Variants in CDH18 observed in about 807,000 individuals in gnomAD.
CDH18 encodes the protein cadherin 18, also known as cadherin-18.
Under a neutral mutation model 67.9 loss-of-function variants are expected in CDH18, and 31 were observed. The ratio of observed to expected loss-of-function variants is 0.46; its 90% confidence interval spans 0.34 to 0.62. The LOEUF (loss-of-function observed/expected upper bound fraction) is 0.62. Ranked by LOEUF, CDH18 falls within the 20% of genes least tolerant of loss-of-function variation. CDH18 has a pLI of 0.01. For synonymous variants in CDH18, 362 were observed against 347.2 expected (o/e 1.04, Z -0.48); for missense variants, 890 against 975.5 (o/e 0.91, Z 1.17).
Position 19,611,028 on chromosome 5 carries a change from GGTTTGACAGA to G in CDH18, c.811+1396_811+1405del, listed in dbSNP as rs1430263588. Among the ~76,000 whole-genome samples, 4 of 152,172 alleles carry G rather than the reference GGTTTGACAGA, an allele frequency of 2.6e-5. No individual in the cohort carries two copies. In the East Asian group the frequency reaches 7.7e-4, roughly 29 times the overall value. Reference sequence around the variant, plus strand: ...TTAATAATAATCTTTTAATAATGATGGTTTGACAGAGTATTTAAATTCAACTAATTTACTC... The same window carrying G: ...TTAATAATAATCTTTTAATAATGATGGTATTTAAATTCAACTAATTTACTC... On this transcript the variant is annotated intron_variant, in intron 6 of 12. Transcript: ENST00000382275.
chr5:19,849,945 AT>A (rs1202880055), intron 2 of CDH18, among the ~76,000 whole-genome samples: 1 of 151,700 alleles, frequency 6.6e-6, no homozygotes, highest in African/African-American at 2.4e-5. Flanking sequence ...CTCAGATGAA[AT>A]TTGAGTACAG....
intron 3 of CDH18, among the ~76,000 whole-genome samples, chr5:19,801,997 C>T (rs773470431): frequency 2.0e-5 from 3 of 152,008 alleles, no homozygotes; most frequent in Non-Finnish European, 4.4e-5. Context: ...TTAAATGGAA[C>T]ACTAATAACA....
chr5:19,532,084 A>G (rs1174310484), intron 9 of CDH18, among the ~76,000 whole-genome samples: 3 of 152,184 alleles, frequency 2.0e-5, no homozygotes, highest in Admixed American at 6.5e-5. Flanking sequence ...ATTGCTCTCC[A>G]TGAAAGCTGA....
chr5:20,165,906 T>G (rs1260146860), intron 2 of CDH18, among the ~76,000 whole-genome samples: 4 of 152,154 alleles, frequency 2.6e-5, no homozygotes, highest in Admixed American at 1.3e-4. Flanking sequence ...ACAATACAAT[T>G]TTTGAACAAC....
At chr5:19,761,175 C>T (rs1332571688) in intron 3 of CDH18, among the ~76,000 whole-genome samples, 4 of 152,076 alleles carry the variant, frequency 2.6e-5, no homozygotes, top group Non-Finnish European at 4.4e-5. Context: ...TCTGTTTTTC[C>T]GCAATTTCAG....
At chr5:20,559,711 T>C (rs1758098384) in intron 1 of CDH18, among the ~76,000 whole-genome samples, 1 of 152,042 alleles carries the variant, frequency 6.6e-6, no homozygotes. Flanking sequence ...AATATTGAAT[T>C]CCAACCTGAT....
intron 2 of CDH18, among the ~76,000 whole-genome samples, chr5:20,040,180 C>A (rs1442242386): frequency 1.3e-5 from 2 of 152,028 alleles, no homozygotes; most frequent in Non-Finnish European, 2.9e-5. Flanking sequence ...GAATGGCAAT[C>A]ATTAAAAAGT....
In CDH18 at chr5:19,571,843, A is replaced by G; in HGVS notation, c.1000-11T>C. 2.5e-6 allele frequency: 4 copies of G among 1,596,916 alleles called. No homozygotes were observed. Among genetic ancestry groups the G allele is most frequent in the Non-Finnish European group, 3.4e-6 (4 of 1,168,970 alleles). On this transcript the variant is annotated splice_polypyrimidine_tract_variant and intron_variant, in intron 7 of 12. Transcript: ENST00000382275. ...CTCATAGTTCAGTGGCTGTGGGGAA[A>G]AAAAATAAGATTATGACTTTTATAA...
intron 7 of CDH18, among the ~76,000 whole-genome samples, chr5:19,588,476 A>G (rs960094408): frequency 6.6e-6 from 1 of 152,088 alleles, no homozygotes; most frequent in African/African-American, 2.4e-5. Flanking sequence ...CAGTGACTCT[A>G]TGAAGCAACC....
At chr5:20,110,321 CAT>C (rs1465609533) in intron 2 of CDH18, among the ~76,000 whole-genome samples, 1 of 152,198 alleles carries the variant, frequency 6.6e-6, no homozygotes, top group Non-Finnish European at 1.5e-5. Context: ...ACAGTAGAAA[CAT>C]ATGTTTTTGG....
At chr5:19,611,962 G>GTGTGTT (rs1749036451) in intron 6 of CDH18, among the ~76,000 whole-genome samples, 1 of 151,274 alleles carries the variant, frequency 6.6e-6, no homozygotes, top group African/African-American at 2.4e-5. Flanking sequence ...GTGTGTGTGT[G>GTGTGTT]TGTGTGTGTG....
chr5:19,669,415 C>A (rs1473195561), intron 5 of CDH18, among the ~76,000 whole-genome samples: 1 of 151,680 alleles, frequency 6.6e-6, no homozygotes, highest in Admixed American at 6.6e-5. Flanking sequence ...GCCTCAGCCG[C>A]CTGAGTAGCT....
chr5:20,565,702 T>C (rs1483593635), intron 1 of CDH18, among the ~76,000 whole-genome samples: 1 of 151,698 alleles, frequency 6.6e-6, no homozygotes, highest in African/African-American at 2.4e-5. Flanking sequence ...ATAATCAATG[T>C]GCTTCAACAT....
chr5:19,723,282 A>G (rs1286357685), intron 4 of CDH18, among the ~76,000 whole-genome samples: 2 of 152,020 alleles, frequency 1.3e-5, no homozygotes, highest in Non-Finnish European at 2.9e-5. Context: ...AAAAAAAAAG[A>G]AAGAAAATTT....
At chr5:19,520,995 G>A (rs937500893) in intron 9 of CDH18, among the ~76,000 whole-genome samples, 3 of 152,128 alleles carry the variant, frequency 2.0e-5, no homozygotes, top group African/African-American at 7.2e-5. Flanking sequence ...ATGCCAAAAT[G>A]ATATTTTGTC....
intron 1 of CDH18, among the ~76,000 whole-genome samples, chr5:20,532,512 A>T (rs1043844716): frequency 6.6e-5 from 10 of 152,150 alleles, no homozygotes; most frequent in East Asian, 5.8e-4. Flanking sequence ...TCAACCTCAC[A>T]TGACCTTCTT....
chr5:20,010,880 C>T (rs889338867), intron 2 of CDH18, among the ~76,000 whole-genome samples: 6 of 152,156 alleles, frequency 3.9e-5, no homozygotes, highest in African/African-American at 1.4e-4. Flanking sequence ...TACCTCTAGA[C>T]AATTGCTTTC....
intron 3 of CDH18, among the ~76,000 whole-genome samples, chr5:19,790,580 T>TG (rs1205558950): frequency 1.3e-5 from 2 of 152,136 alleles, no homozygotes; most frequent in African/African-American, 2.4e-5. Flanking sequence ...AAAGTAGAGC[T>TG]GTAAAAGCTA....
chr5:19,525,647 G>A (rs1055429310), intron 9 of CDH18, among the ~76,000 whole-genome samples: 5 of 152,158 alleles, frequency 3.3e-5, no homozygotes, highest in African/African-American at 9.7e-5. Context: ...AGACAATTAC[G>A]AGTGAAAACT....
Sources: allele counts gnomAD v4.1 joint callset (sites outside exome capture counted in the v4.1 genomes callset), GRCh38; gene constraint gnomAD v4.1.1; transcripts MANE v1.5; gene names NCBI Gene and HGNC (gene_info 2026-07-23, HGNC 2026-07-21).